Variants in SNU13 observed in about 807,000 individuals in gnomAD.
SNU13 encodes NHP2-like protein 1.
Under a neutral mutation model 12.4 loss-of-function variants are expected in SNU13, and 2 were observed. That is an observed-to-expected ratio of 0.16 (90% CI 0.07 to 0.51). The LOEUF (loss-of-function observed/expected upper bound fraction) is 0.51, where lower values mean the gene tolerates loss of function less well. SNU13 is among the 20% of genes least tolerant of loss of function. SNU13 has a pLI of 0.96. For missense variants in SNU13, 66 were observed against 157.8 expected (o/e 0.42, Z 3.12); for synonymous variants, 68 against 66.5 (o/e 1.02, Z -0.11).
intron 1 of SNU13, chr22:41,682,349 C>T (rs768290584): frequency 6.2e-7 from 1 of 1,613,486 alleles, no homozygotes; most frequent in South Asian, 1.1e-5. Context: ...CCAGTAGGAA[C>T]ACTCACCATA....
At chr22:41,677,623 CA>C (rs1198494986) in intron 2 of SNU13, among the ~76,000 whole-genome samples, 1 of 152,186 alleles carries the variant, frequency 6.6e-6, no homozygotes, top group African/African-American at 2.4e-5. Context: ...ACTCACCCTA[CA>C]AAAGTCATAG....
Position 41,674,070 on chromosome 22 carries a change from GC to G in SNU13, c.*862del, listed in dbSNP as rs1223521420. 2 of 152,260 alleles carry G rather than the reference GC, an allele frequency of 1.3e-5. No homozygotes were observed. The highest frequency in any genetic ancestry group is 2.9e-5 in the Non-Finnish European group (2 of 68,072). The allele number at this position is 152,260 out of a possible 1,614,324, so 9.4% of individuals were successfully genotyped here. On this transcript the variant is annotated 3_prime_UTR_variant, in exon 3 of 3. Coordinates refer to ENST00000401959, the MANE Select transcript of SNU13 (RefSeq NM_001003796.2). Reference sequence around the variant, plus strand: ...CAGGGGAAGGGCTCTCAGAGCTGGTGCCAAGTGTCCACCAAAGAAAGTCCCA... The same window carrying G: ...CAGGGGAAGGGCTCTCAGAGCTGGTGCAAGTGTCCACCAAAGAAAGTCCCA...
chr22:41,676,780 C>T (rs1356849464), intron 2 of SNU13, among the ~76,000 whole-genome samples: 1 of 152,172 alleles, frequency 6.6e-6, no homozygotes, highest in African/African-American at 2.4e-5. Context: ...ACTGCTTTTG[C>T]TTTGCTTTTC....
rs775693654 is a variant in SNU13, at chr22:41,674,990, C to T, written c.330G>A (p.Ser110=). 1.2e-5 allele frequency: 19 copies of T among 1,614,000 alleles called. No individual in the cohort carries two copies. The South Asian group carries it at 1.3e-4, about 11-fold the overall frequency. ...TGGATTGGATCTGCTGTTTCAGCTGCGAGCCTTCTTTGATGGTGACAGAAC... is the reference window on the plus strand; with the variant it reads ...TGGATTGGATCTGCTGTTTCAGCTGTGAGCCTTCTTTGATGGTGACAGAAC... The part of the protein sequence containing the change: ...IACSVTIKEG[S]QLKQQIQSIQ... The change falls in exon 3 of 3, where the codon TCG becomes TCA. Residue 110 remains serine (S), a synonymous_variant. Transcript: ENST00000401959.
intron 1 of SNU13, among the ~76,000 whole-genome samples, chr22:41,681,893 C>T (rs1213562836): frequency 6.6e-6 from 1 of 152,176 alleles, no homozygotes; most frequent in African/African-American, 2.4e-5. Context: ...AATAAATACA[C>T]ACCCATGTAG....
chr22:41,685,941 C>T (rs896241025), intron 1 of SNU13, among the ~76,000 whole-genome samples: 1 of 149,732 alleles, frequency 6.7e-6, no homozygotes, highest in Non-Finnish European at 1.5e-5. Context: ...GCACACCCAG[C>T]CTGGGTGACA....
chr22:41,687,854 CA>C lies in SNU13; in HGVS notation c.3+939del, dbSNP rs1237942252. ...AGTTCAACCTGAGACCATCCGATTC[CA>C]AAACGTTTCAGGGAGCTGCGTTAAA... On this transcript the variant is annotated intron_variant, in intron 1 of 2. Coordinates refer to ENST00000401959, the MANE Select transcript of SNU13 (RefSeq NM_001003796.2). 3 of 152,302 alleles carry C rather than the reference CA, an allele frequency of 2.0e-5. No individual in the cohort carries two copies. In the South Asian group the frequency reaches 6.2e-4, roughly 32 times the overall value. 9.4% of individuals were successfully genotyped at this position (152,302 alleles called of 1,614,324 possible).
In SNU13 at chr22:41,680,209, T is replaced by C. The variant is rs771638162; in HGVS notation, c.124+35A>G. 5 of 1,589,936 alleles carry C rather than the reference T, an allele frequency of 3.1e-6. No individual in the cohort carries two copies. The Admixed American group carries it at 6.9e-5, about 22-fold the overall frequency. On this transcript the variant is annotated intron_variant, in intron 2 of 2. Transcript: ENST00000401959. ...GGCCCCAGATGGAAACAGGTGCCTT[T>C]AACATTCCCCCAGAGCATCCTGTGG... is the stretch of plus-strand genomic sequence containing the variant.
In SNU13 at chr22:41,675,025, C is replaced by G; in HGVS notation, c.295G>C (p.Val99Leu). ...TTGATGGTGACAGAACAGGCGATGA[C>G]AGGCCTGGAGACCCCACAGGCTCTC... is the stretch of plus-strand genomic sequence containing the variant. The part of the protein sequence containing the change: ...LGRACGVSRP[V>L]IACSVTIKEG... The change falls in exon 3 of 3, where the codon GTC becomes CTC. Residue 99 changes from valine to leucine, a missense_variant. Transcript: ENST00000401959. 6.2e-7 allele frequency: 1 copy of G among 1,614,222 alleles called. No homozygotes were observed. Among genetic ancestry groups the G allele is most frequent in the Non-Finnish European group, 8.5e-7 (1 of 1,180,038 alleles).
chr22:41,682,991 G>T (rs1459697544), intron 1 of SNU13, among the ~76,000 whole-genome samples: 1 of 151,808 alleles, frequency 6.6e-6, no homozygotes, highest in East Asian at 1.9e-4. Context: ...TCCTTCACAT[G>T]TTACCTACTT....
chr22:41,687,668 C>T (rs1569112057), intron 1 of SNU13: 2 of 152,172 alleles, frequency 1.3e-5, no homozygotes, highest in Non-Finnish European at 2.9e-5. Flanking sequence ...CGCTGTACAC[C>T]AGACAGCCAA....
chr22:41,684,491 T>C (rs980831184), intron 1 of SNU13, among the ~76,000 whole-genome samples: 1 of 152,214 alleles, frequency 6.6e-6, no homozygotes, highest in South Asian at 2.1e-4. Flanking sequence ...TTGTCACTTA[T>C]GCTCTGGTAT....
At chr22:41,678,672 A>G (rs2068235293) in intron 2 of SNU13, among the ~76,000 whole-genome samples, 1 of 152,140 alleles carries the variant, frequency 6.6e-6, no homozygotes, top group African/African-American at 2.4e-5. Flanking sequence ...TGAGTGCATC[A>G]AGTGAGAAGA....
chr22:41,682,282 C>G (rs140276527), intron 1 of SNU13: 11 of 1,485,828 alleles, frequency 7.4e-6, no homozygotes, highest in Non-Finnish European at 9.4e-6. Context: ...TTTTCTGACA[C>G]AGCGGGACCA....
chr22:41,688,695 G>C (rs762686903), intron 1 of SNU13, 99 bp downstream of exon 1: 105 of 1,469,508 alleles, frequency 7.1e-5, no homozygotes, highest in Non-Finnish European at 9.3e-5. Flanking sequence ...GCCGGCGGAT[G>C]AGACGGCGCA....
intron 2 of SNU13, among the ~76,000 whole-genome samples, chr22:41,675,746 T>C (rs1422312952): frequency 1.6e-5 from 2 of 128,816 alleles, no homozygotes; most frequent in African/African-American, 8.0e-5. Context: ...TTTTCTTTCT[T>C]TTTTTTTTTT....
At chr22:41,676,755 C>T (rs2068217927) in intron 2 of SNU13, among the ~76,000 whole-genome samples, 1 of 152,192 alleles carries the variant, frequency 6.6e-6, no homozygotes, top group South Asian at 2.1e-4. Context: ...CCACGCCAAA[C>T]CCTTTGCCAC....
At chr22:41,682,719 C>T (rs2068276024) in intron 1 of SNU13, 2 of 441,058 alleles carry the variant, frequency 4.5e-6, no homozygotes, top group Non-Finnish European at 7.1e-6. Flanking sequence ...CTCCCTCTGT[C>T]GCCTAGGTTG....
rs2068274146 is a variant in SNU13 at position 41,682,538 on chromosome 22, CT to C, written c.4-2175del. On this transcript the variant is annotated intron_variant, in intron 1 of 2. Transcript: ENST00000401959. ...CAGCCCGTACACCAGGACGCCCTGTCTTCTACGTAACTCCTTATCTTAGGCG... is the reference window on the plus strand; with the variant it reads ...CAGCCCGTACACCAGGACGCCCTGTCTCTACGTAACTCCTTATCTTAGGCG... 4 of 1,494,120 alleles carry C rather than the reference CT, an allele frequency of 2.7e-6. No individual in the cohort carries two copies. In the East Asian group the frequency reaches 9.9e-5, roughly 37 times the overall value. 92.6% of individuals were successfully genotyped at this position (1,494,120 alleles called of 1,614,324 possible).
Sources: allele counts gnomAD v4.1 joint callset (sites outside exome capture counted in the v4.1 genomes callset), GRCh38; gene constraint gnomAD v4.1.1; transcripts MANE v1.5; gene names NCBI Gene and HGNC (gene_info 2026-07-23, HGNC 2026-07-21).